The following FCHO2 variants were observed in gnomAD, a reference collection of about 807,000 sequenced individuals.
FCHO2 encodes F-BAR domain only protein 2.
Under a neutral mutation model 114.1 loss-of-function variants are expected in FCHO2, and 43 were observed. The ratio of observed to expected loss-of-function variants is 0.38; its 90% CI spans 0.30 to 0.49. The LOEUF is 0.49. Ranked by LOEUF, FCHO2 falls within the 20% of genes least tolerant of loss-of-function variation. FCHO2 has a pLI of 0.97. For missense variants in FCHO2, 807 were observed against 950.4 expected (o/e 0.85, Z 1.98); for synonymous variants, 293 against 315.2 (o/e 0.93, Z 0.75).
chr5:73,044,162 A>C (rs572947773), intron 11 of FCHO2, among the ~76,000 whole-genome samples: 84 of 152,236 alleles, frequency 5.5e-4, no homozygotes, highest in African/African-American at 2.0e-3. Flanking sequence ...AGGCCTCCCT[A>C]GCCATGCTTC....
At chr5:73,043,629 G>T (rs1206544892) in intron 11 of FCHO2, among the ~76,000 whole-genome samples, 4 of 152,142 alleles carry the variant, frequency 2.6e-5, no homozygotes, top group Admixed American at 6.6e-5. Context: ...AAATAAATTG[G>T]TGGGGTAATA....
At chr5:72,997,574 G>T (rs188989391) in intron 5 of FCHO2, 17 of 1,329,408 alleles carry the variant, frequency 1.3e-5, no homozygotes, top group Admixed American at 1.0e-4. Flanking sequence ...CCCGATGCTG[G>T]ATGCCCTCAG....
chr5:72,971,621 G>A (rs1011072538), intron 2 of FCHO2, among the ~76,000 whole-genome samples: 79 of 152,020 alleles, frequency 5.2e-4, no homozygotes, highest in Non-Finnish European at 1.0e-3. Context: ...AGATGAGTAG[G>A]TTGTGAAAAT....
intron 8 of FCHO2, chr5:73,020,885 C>T: frequency 1.8e-6 from 2 of 1,125,078 alleles, no homozygotes; most frequent in Non-Finnish European, 2.7e-6. Context: ...TGTATCAGCT[C>T]ACCACGGGAG....
At chr5:73,049,485 C>T (rs1429350203) in intron 11 of FCHO2, among the ~76,000 whole-genome samples, 1 of 151,858 alleles carries the variant, frequency 6.6e-6, no homozygotes, top group African/African-American at 2.4e-5. Context: ...CTTAGAGTAC[C>T]TTGTTCTCAT....
At chr5:72,997,344 T>C in intron 5 of FCHO2, 4 of 1,587,048 alleles carry the variant, frequency 2.5e-6, no homozygotes, top group South Asian at 1.1e-5. Flanking sequence ...GCAGATAAAC[T>C]GGACAATAGC....
At chr5:73,062,870 C>A (rs1488677886) in intron 17 of FCHO2, among the ~76,000 whole-genome samples, 1 of 151,918 alleles carries the variant, frequency 6.6e-6, no homozygotes, top group Non-Finnish European at 1.5e-5. Flanking sequence ...TATACTTAGG[C>A]CCACTTATAT....
chr5:73,023,942 G>A (rs1279552694), intron 8 of FCHO2, among the ~76,000 whole-genome samples: 1 of 152,080 alleles, frequency 6.6e-6, no homozygotes, highest in African/African-American at 2.4e-5. Context: ...CAAATATACA[G>A]TTATTATAAA....
intron 22 of FCHO2, among the ~76,000 whole-genome samples, chr5:73,078,778 T>C (rs1387121909): frequency 1.3e-5 from 2 of 152,210 alleles, no homozygotes; most frequent in Admixed American, 6.5e-5. Flanking sequence ...CGAGAACCAA[T>C]TGAAGAACTA....
In FCHO2 at chr5:72,972,075, G is replaced by C. The variant is rs1334220373; in HGVS notation, c.125+3486G>C. ...ATTGATCTATATCTCTGTTTTGGTA[G>C]CAGTACCATGCTGTTTTGGTTACTG... On this transcript the variant is annotated intron_variant, in intron 2 of 25. Transcript: ENST00000430046. Among the ~76,000 whole-genome samples the C allele has an allele frequency of 4.8e-3, 730 of 151,704 alleles. 7 individuals are homozygous for C. The highest frequency in any genetic ancestry group is 0.017 in the African/African-American group (694 of 41,210).
chr5:72,966,865 G>A lies in FCHO2; in HGVS notation c.34-1633G>A, dbSNP rs562723301. Reference sequence around the variant, plus strand: ...AGTTGTTAAACCTAGTGTATCAGCTGTCTTTTATTTCATCGAATAAATTGA... The same window carrying A: ...AGTTGTTAAACCTAGTGTATCAGCTATCTTTTATTTCATCGAATAAATTGA... On this transcript the variant is annotated intron_variant, in intron 1 of 25. Coordinates refer to ENST00000430046, the MANE Select transcript of FCHO2 (RefSeq NM_138782.3). Among the ~76,000 whole-genome samples the A allele has an allele frequency of 2.6e-5, 4 of 152,328 alleles. No homozygotes were observed. In the East Asian group the frequency reaches 7.7e-4, roughly 29 times the overall value.
At chr5:73,019,044 G>C (rs1012429775) in intron 8 of FCHO2, among the ~76,000 whole-genome samples, 6 of 152,192 alleles carry the variant, frequency 3.9e-5, no homozygotes, top group African/African-American at 1.4e-4. Context: ...CAGAAAAGTT[G>C]CTGTGGCTTG....
At chr5:73,045,003 A>G (rs1405917997) in intron 11 of FCHO2, among the ~76,000 whole-genome samples, 1 of 152,226 alleles carries the variant, frequency 6.6e-6, no homozygotes, top group East Asian at 1.9e-4. Context: ...TAGTTCTAGC[A>G]GTAAAAAGAT....
At chr5:73,013,527 G>T (rs1199872837) in intron 6 of FCHO2, among the ~76,000 whole-genome samples, 1 of 152,190 alleles carries the variant, frequency 6.6e-6, no homozygotes, top group Non-Finnish European at 1.5e-5. Context: ...CCCAAAGCCT[G>T]TTTTGAGGAC....
intron 2 of FCHO2, among the ~76,000 whole-genome samples, chr5:72,973,240 T>G (rs1752669077): frequency 6.6e-6 from 1 of 152,070 alleles, no homozygotes; most frequent in South Asian, 2.1e-4. Context: ...GAGGATTCCC[T>G]CTTTTTCTAT....
chr5:73,041,687 T>C (rs1756812564), intron 11 of FCHO2, among the ~76,000 whole-genome samples: 1 of 152,100 alleles, frequency 6.6e-6, no homozygotes, highest in South Asian at 2.1e-4. Context: ...GTGCGTGCAT[T>C]TGAGTTCATT....
intron 1 of FCHO2, among the ~76,000 whole-genome samples, chr5:72,965,251 C>T (rs532560642): frequency 3.0e-4 from 45 of 152,262 alleles, no homozygotes; most frequent in African/African-American, 1.1e-3. Context: ...ATTCAAACAA[C>T]CACAGTGAAG....
rs577923721 is a variant in FCHO2 at position 73,054,143 on chromosome 5, C to T, written c.1174-17C>T. The T allele has an allele frequency of 2.9e-4, 425 of 1,489,296 alleles. No individual in the cohort carries two copies. Among genetic ancestry groups the T allele is most frequent in the Non-Finnish European group, 3.7e-4 (417 of 1,115,128 alleles). The allele number at this position is 1,489,296 out of a possible 1,614,324, so 92.3% of individuals were successfully genotyped here. ...AGAATTCTAACCTAATTTTCTTTTT[C>T]TTCCATGTACTACTAGAGACACAGT... On this transcript the variant is annotated splice_polypyrimidine_tract_variant and intron_variant, in intron 13 of 25. Coordinates refer to ENST00000430046, the MANE Select transcript of FCHO2 (RefSeq NM_138782.3).
chr5:73,042,994 T>C (rs1226367325), intron 11 of FCHO2, among the ~76,000 whole-genome samples: 1 of 152,190 alleles, frequency 6.6e-6, no homozygotes, highest in Non-Finnish European at 1.5e-5. Flanking sequence ...CGTTGTGTGA[T>C]CATAGCTCAC....
Sources: allele counts gnomAD v4.1 joint callset (sites outside exome capture counted in the v4.1 genomes callset), GRCh38; gene constraint gnomAD v4.1.1; transcripts MANE v1.5; gene names NCBI Gene and HGNC (gene_info 2026-07-23, HGNC 2026-07-21).